Variants in MKRN1 observed in about 807,000 individuals in gnomAD.
MKRN1 encodes the protein E3 ubiquitin-protein ligase makorin-1.
A neutral mutation model predicts 55.5 loss-of-function variants in MKRN1; 9 were observed. That is an observed-to-expected ratio of 0.16 (90% CI 0.10 to 0.28). The LOEUF is 0.28. Among genes scored for constraint, MKRN1 ranks in the 10% least tolerant of loss-of-function variants. MKRN1 has a pLI of 1.00. For missense variants in MKRN1, 488 were observed against 626.7 expected, an observed-to-expected ratio of 0.78 and a Z score of 2.36; for synonymous variants, 253 against 235.9, an observed-to-expected ratio of 1.07 and a Z score of -0.66.
rs750271181 is a variant in MKRN1, at chr7:140,459,241, T to C, written c.545-8A>G. 1.9e-6 allele frequency: 3 copies of C among 1,613,546 alleles called. No homozygotes were observed. The highest frequency in any genetic ancestry group is 2.2e-5 in the South Asian group (2 of 91,046). On this transcript the variant is annotated splice_polypyrimidine_tract_variant and splice_region_variant and intron_variant, in intron 3 of 7. Coordinates refer to ENST00000255977, the MANE Select transcript of MKRN1 (RefSeq NM_013446.4). Reference sequence around the variant, plus strand: ...CAGTGCAGGAAGGCGCAGCTGAAAATGTGTAAGAGGGTGGTAAAGGTCCAA... The same window carrying C: ...CAGTGCAGGAAGGCGCAGCTGAAAACGTGTAAGAGGGTGGTAAAGGTCCAA...
intron 1 of MKRN1, chr7:140,473,418 A>T (rs1165062498): frequency 3.3e-6 from 1 of 307,234 alleles, no homozygotes; most frequent in Non-Finnish European, 6.4e-6. Context: ...CATAGAGAAC[A>T]AGAAACTGCC....
intron 2 of MKRN1, among the ~76,000 whole-genome samples, chr7:140,470,301 T>C (rs1473959621): frequency 6.6e-6 from 1 of 151,228 alleles, no homozygotes; most frequent in Non-Finnish European, 1.5e-5. Context: ...AAAACAATAC[T>C]GGGCTAGGCA....
At chr7:140,470,134 T>C (rs1245016587) in intron 2 of MKRN1, among the ~76,000 whole-genome samples, 2 of 146,710 alleles carry the variant, frequency 1.4e-5, no homozygotes, top group African/African-American at 5.0e-5. Context: ...GGCAGGAGAA[T>C]CTCTCGAACG....
At chr7:140,464,693 G>GA (rs541220348) in intron 2 of MKRN1, among the ~76,000 whole-genome samples, 47 of 150,920 alleles carry the variant, frequency 3.1e-4, no homozygotes, top group African/African-American at 1.1e-3. Flanking sequence ...CAACAAGAGT[G>GA]AAACTCAGTC....
chr7:140,479,057 C>T, intron 1 of MKRN1, 103 bp downstream of exon 1: 1 of 1,217,742 alleles, frequency 8.2e-7, no homozygotes, highest in Non-Finnish European at 1.0e-6. Context: ...CCCCGCCCTC[C>T]CGCGCCTCTA....
intron 2 of MKRN1, 23 bp downstream of exon 2, chr7:140,471,860 C>G (rs1014043455): frequency 6.2e-7 from 1 of 1,609,738 alleles, no homozygotes; most frequent in South Asian, 1.1e-5. Flanking sequence ...CACCCCTGAA[C>G]AAATTTATAA....
intron 2 of MKRN1, among the ~76,000 whole-genome samples, chr7:140,469,468 CTT>C (rs908113159): frequency 1.3e-5 from 2 of 152,166 alleles, no homozygotes; most frequent in Non-Finnish European, 2.9e-5. Flanking sequence ...GACTTAGTAA[CTT>C]AGTCCAGAAT....
chr7:140,465,265 G>A (rs1292128285), intron 2 of MKRN1, among the ~76,000 whole-genome samples: 4 of 152,038 alleles, frequency 2.6e-5, no homozygotes, highest in African/African-American at 4.8e-5. Context: ...TTGGGAGGCC[G>A]AGGCAGGTGG....
At position 140,475,033 on chromosome 7, in the gene MKRN1, G is replaced by A. The variant is rs117323193; in HGVS notation, c.186-3022C>T. On this transcript the variant is annotated intron_variant, in intron 1 of 7. Transcript: ENST00000255977. ...CACGCCCAGCTGATCTTTAAGTTAC[G>A]TTAACCACATTTTTAAAAACTTTTG... Among the ~76,000 whole-genome samples the A allele has an allele frequency of 7.8e-4, 118 of 151,752 alleles. No individual in the cohort carries two copies. In the East Asian group the frequency reaches 0.018, roughly 23 times the overall value.
intron 1 of MKRN1, chr7:140,478,883 T>C (rs951365611): frequency 1.4e-5 from 4 of 283,052 alleles, no homozygotes; most frequent in East Asian, 1.2e-4. Context: ...CTCAGGGAAG[T>C]GTAAGCGGCG....
intron 2 of MKRN1, among the ~76,000 whole-genome samples, chr7:140,468,734 T>C (rs1283234131): frequency 7.2e-6 from 1 of 139,380 alleles, no homozygotes; most frequent in Non-Finnish European, 1.5e-5. Context: ...AAGACATGCC[T>C]GGTGGAGAGT....
intron 5 of MKRN1, 70 bp from the exon 6 acceptor site, chr7:140,455,970 G>A: frequency 7.3e-7 from 1 of 1,364,896 alleles, no homozygotes. Context: ...GACACACCCT[G>A]GTGTGTCGCC....
At chr7:140,461,399 T>C (rs576042204) in intron 2 of MKRN1, among the ~76,000 whole-genome samples, 9 of 152,284 alleles carry the variant, frequency 5.9e-5, no homozygotes, top group East Asian at 5.8e-4. Flanking sequence ...TCCCAACACT[T>C]TGGAAGTCCA....
In MKRN1 at chr7:140,454,737, A is replaced by G; in HGVS notation, c.1237-8T>C. The G allele has an allele frequency of 6.2e-7, 1 of 1,613,320 alleles. No individual in the cohort carries two copies. ...GTGGTTCCTTCGTTGGGCCTGTAAA[A>G]AACAAGGCCATGATAGGGATGGCAC... is the stretch of plus-strand genomic sequence containing the variant. On this transcript the variant is annotated splice_region_variant and splice_polypyrimidine_tract_variant and intron_variant, in intron 7 of 7. Coordinates refer to ENST00000255977, the MANE Select transcript of MKRN1 (RefSeq NM_013446.4).
At chr7:140,460,911 G>A (rs931548603) in intron 2 of MKRN1, among the ~76,000 whole-genome samples, 3 of 152,186 alleles carry the variant, frequency 2.0e-5, no homozygotes, top group African/African-American at 4.8e-5. Flanking sequence ...TAACTGTTCC[G>A]ATCAAACTTG....
chr7:140,455,533 A>C, intron 6 of MKRN1: 4 of 563,370 alleles, frequency 7.1e-6, no homozygotes, highest in Admixed American at 6.1e-5. Context: ...ATTCAGAATA[A>C]GGTAGAACCC....
chr7:140,472,148 G>GA, intron 1 of MKRN1, 137 bp from the exon 2 acceptor site: 7 of 1,217,444 alleles, frequency 5.7e-6, no homozygotes, highest in Non-Finnish European at 6.8e-6. Flanking sequence ...GGCCAGGCAT[G>GA]GTGGCTCATG....
In MKRN1 at chr7:140,459,899, T is replaced by C. The variant is rs771029713; in HGVS notation, c.352A>G (p.Thr118Ala). 2.2e-5 allele frequency: 35 copies of C among 1,613,830 alleles called. 1 individual carries two copies. Among genetic ancestry groups the C allele is most frequent in the African/African-American group, 1.5e-4 (11 of 74,926 alleles). Reference sequence around the variant, plus strand: ...GACTTTGTAGTTAGCTCTGTAGCAGTTGCTTCTTCCTGTTTCAATGGTTTG... The same window carrying C: ...GACTTTGTAGTTAGCTCTGTAGCAGCTGCTTCTTCCTGTTTCAATGGTTTG... Reference protein sequence around the residue: ...HSKPLKQEEATATELTTKSSL... With the variant: ...HSKPLKQEEAAATELTTKSSL... Residue 118 changes from threonine (T) to alanine (A), a missense_variant, in exon 3 of 8, where the codon ACT (threonine) becomes GCT (alanine). Coordinates refer to ENST00000255977, the MANE Select transcript of MKRN1 (RefSeq NM_013446.4).
intron 2 of MKRN1, among the ~76,000 whole-genome samples, chr7:140,466,823 A>C (rs1173898186): frequency 2.0e-5 from 2 of 100,228 alleles, no homozygotes; most frequent in Non-Finnish European, 5.6e-5. Flanking sequence ...AAAAAAAAAA[A>C]AAAAAAAAAA....
Sources: gnomAD v4.1 joint callset for allele counts (sites outside exome capture counted in the v4.1 genomes callset) on GRCh38, gnomAD v4.1.1 for gene constraint, MANE v1.5 for transcripts, NCBI Gene and HGNC (gene_info 2026-07-23, HGNC 2026-07-21) for gene names.